SESN1: variants seen among roughly 807,000 people sequenced by gnomAD.
SESN1 encodes sestrin 1.
In SESN1, 30 loss-of-function variants were observed where a neutral mutation model predicts 59.3. That is an observed-to-expected ratio of 0.51 (90% confidence interval 0.38 to 0.69). The LOEUF (loss-of-function observed/expected upper bound fraction) is 0.69, where lower values mean the gene tolerates loss of function less well. SESN1 is among the 30% of genes least tolerant of loss of function. The pLI, the probability that SESN1 is intolerant of heterozygous loss-of-function variation, is 0.00. For missense variants in SESN1, 566 were observed against 673.0 expected (o/e 0.84, Z 1.76); for synonymous variants, 197 against 219.9 (o/e 0.90, Z 0.92).
chr6:108,994,754 G>A (rs2114280846), intron 5 of SESN1, 145 bp from the exon 6 acceptor site: 1 of 635,082 alleles, frequency 1.6e-6, no homozygotes, highest in East Asian at 4.1e-5. Flanking sequence ...CCAGGCTGCA[G>A]TGCAGTGGCG....
At chr6:109,076,312 G>T (rs1781032114) in intron 1 of SESN1, among the ~76,000 whole-genome samples, 1 of 152,094 alleles carries the variant, frequency 6.6e-6, no homozygotes, top group Non-Finnish European at 1.5e-5. Flanking sequence ...AGTTTAATTT[G>T]CTTGATAAGA....
At chr6:109,015,033 A>G (rs1779910769) in intron 1 of SESN1, among the ~76,000 whole-genome samples, 1 of 152,188 alleles carries the variant, frequency 6.6e-6, no homozygotes, top group African/African-American at 2.4e-5. Context: ...ACCCTCAAAA[A>G]TTATGTATCG....
At chr6:109,060,597 C>T (rs933446620) in intron 1 of SESN1, among the ~76,000 whole-genome samples, 2 of 152,124 alleles carry the variant, frequency 1.3e-5, no homozygotes, top group African/African-American at 4.8e-5. Flanking sequence ...AAAGACAATT[C>T]CCTCCCTCAT....
intron 1 of SESN1, among the ~76,000 whole-genome samples, chr6:109,013,661 C>T (rs1249089090): frequency 6.6e-6 from 1 of 152,166 alleles, no homozygotes; most frequent in Admixed American, 6.5e-5. Flanking sequence ...CAGAATTATA[C>T]TTAATGCAGT....
At chr6:109,046,298 C>A (rs1196997742) in intron 1 of SESN1, among the ~76,000 whole-genome samples, 6 of 151,656 alleles carry the variant, frequency 4.0e-5, no homozygotes, top group African/African-American at 9.7e-5. Context: ...TTGGCCGGGC[C>A]GGTCTCCAGC....
At chr6:109,070,095 T>C (rs1407614009) in intron 1 of SESN1, among the ~76,000 whole-genome samples, 2 of 152,312 alleles carry the variant, frequency 1.3e-5, no homozygotes, top group African/African-American at 4.8e-5. Flanking sequence ...TTTATTTTTT[T>C]AAATGTAGGT....
chr6:109,077,712 C>T (rs1302259413), intron 1 of SESN1, among the ~76,000 whole-genome samples: 4 of 152,124 alleles, frequency 2.6e-5, no homozygotes, highest in Non-Finnish European at 5.9e-5. Flanking sequence ...AGGAGCTTCC[C>T]GTTTCCTTGA....
chr6:109,087,822 C>T (rs1781238723), intron 1 of SESN1, among the ~76,000 whole-genome samples: 1 of 152,018 alleles, frequency 6.6e-6, no homozygotes, highest in South Asian at 2.1e-4. Flanking sequence ...CTAATCGGAT[C>T]CAAATTATAA....
intron 8 of SESN1, among the ~76,000 whole-genome samples, chr6:108,990,243 A>C (rs1189919518): frequency 6.6e-6 from 1 of 152,230 alleles, no homozygotes; most frequent in Non-Finnish European, 1.5e-5. Context: ...CCTCAGAAGG[A>C]GCCTAAGAAC....
intron 1 of SESN1, among the ~76,000 whole-genome samples, chr6:109,022,082 G>A (rs555270963): frequency 4.0e-5 from 6 of 149,392 alleles, no homozygotes; most frequent in African/African-American, 1.2e-4. Flanking sequence ...TATATTTTTT[G>A]AGAACAACAT....
chr6:109,003,684 C>T (rs1006136876), intron 1 of SESN1, among the ~76,000 whole-genome samples: 1 of 152,138 alleles, frequency 6.6e-6, no homozygotes, highest in Non-Finnish European at 1.5e-5. Flanking sequence ...GCACTTAATT[C>T]ACTGGTCTGG....
chr6:109,001,313 T>G lies in SESN1; in HGVS notation c.521A>C (p.His174Pro). 1 of 1,613,792 alleles carries G rather than the reference T, an allele frequency of 6.2e-7. No individual in the cohort carries two copies. The highest frequency in any genetic ancestry group is 8.5e-7 in the Non-Finnish European group (1 of 1,179,722). ...CATTATTCCAATGTAGTGACGATAA[T>G]GTAGGGGTAACGGCCCATCCATTTG... is the stretch of plus-strand genomic sequence containing the variant. ...LLQMDGPLPL[H>P]YRHYIGIMAA... Residue 174 changes from histidine (H) to proline (P), a missense_variant, in exon 3 of 10, where the codon CAT becomes CCT. Physicochemically the swap from His to Pro is moderately conservative, Grantham distance 77 (BLOSUM62 -2). Coordinates refer to ENST00000436639, the MANE Select transcript of SESN1 (RefSeq NM_014454.3).
chr6:109,045,300 T>C (rs1299159283), intron 1 of SESN1, among the ~76,000 whole-genome samples: 1 of 152,194 alleles, frequency 6.6e-6, no homozygotes, highest in Admixed American at 6.5e-5. Flanking sequence ...TCTCCCAGAT[T>C]AGAACGATAG....
At chr6:109,004,970 G>A (rs184846374) in intron 1 of SESN1, among the ~76,000 whole-genome samples, 1 of 152,134 alleles carries the variant, frequency 6.6e-6, no homozygotes, top group Non-Finnish European at 1.5e-5. Flanking sequence ...TGAGAAAAAA[G>A]AGTATAGAGA....
chr6:109,031,960 C>T (rs957347891), intron 1 of SESN1, among the ~76,000 whole-genome samples: 2 of 152,068 alleles, frequency 1.3e-5, no homozygotes, highest in African/African-American at 4.8e-5. Flanking sequence ...ACCTTATACA[C>T]ATATCTTGAA....
At chr6:109,015,115 AGTTCACTATTCAG>A (rs1779911381) in intron 1 of SESN1, among the ~76,000 whole-genome samples, 1 of 152,300 alleles carries the variant, frequency 6.6e-6, no homozygotes, top group African/African-American at 2.4e-5. Flanking sequence ...ATGAATTTCA[AGTTCACTATTCAG>A]GTAAACATTT....
intron 1 of SESN1, among the ~76,000 whole-genome samples, chr6:109,040,451 A>C (rs1393245603): frequency 6.6e-6 from 1 of 152,154 alleles, no homozygotes; most frequent in Non-Finnish European, 1.5e-5. Flanking sequence ...TGGGAAAGTT[A>C]CTAAGAATTT....
At chr6:109,051,315 C>A (rs555263550) in intron 1 of SESN1, among the ~76,000 whole-genome samples, 3 of 150,210 alleles carry the variant, frequency 2.0e-5, no homozygotes, top group Non-Finnish European at 4.5e-5. Flanking sequence ...ATTTACCAAA[C>A]ATTGAAACTG....
intron 1 of SESN1, among the ~76,000 whole-genome samples, chr6:109,061,244 T>C (rs1247598731): frequency 2.0e-5 from 3 of 152,270 alleles, no homozygotes; most frequent in East Asian, 3.9e-4. Context: ...TCTGATTCCA[T>C]GTATTAAACC....
Sources: allele counts gnomAD v4.1 joint callset (sites outside exome capture counted in the v4.1 genomes callset), GRCh38; gene constraint gnomAD v4.1.1; transcripts MANE v1.5; gene names NCBI Gene and HGNC (gene_info 2026-07-23, HGNC 2026-07-21).